The following SSBP2 variants were observed in gnomAD, a reference collection of about 807,000 sequenced individuals.
SSBP2 encodes single-stranded DNA-binding protein 2.
A neutral mutation model predicts 61.8 loss-of-function variants in SSBP2; 17 were observed. The ratio of observed to expected loss-of-function variants is 0.28; its 90% confidence interval spans 0.19 to 0.41. The LOEUF (loss-of-function observed/expected upper bound fraction) is 0.41, where lower values mean the gene tolerates loss of function less well. Among genes scored for constraint, SSBP2 ranks in the 10% least tolerant of loss-of-function variants. The pLI, the probability that SSBP2 is intolerant of heterozygous loss-of-function variation, is 1.00. For synonymous variants in SSBP2, 139 were observed against 141.3 expected (o/e 0.98, Z 0.12); for missense variants, 310 against 458.7 (o/e 0.68, Z 2.96).
At chr5:81,478,162 ACTT>A (rs1408083219) in intron 6 of SSBP2, among the ~76,000 whole-genome samples, 9 of 151,850 alleles carry the variant, frequency 5.9e-5, no homozygotes, top group Non-Finnish European at 1.2e-4. Context: ...AAAAAAATTA[ACTT>A]TTTTTTATTT....
chr5:81,744,960 C>A (rs893362502), intron 1 of SSBP2, among the ~76,000 whole-genome samples: 7 of 152,000 alleles, frequency 4.6e-5, no homozygotes, highest in African/African-American at 1.7e-4. Context: ...ATTGAGACTG[C>A]CCAGGCTGAT....
chr5:81,617,961 A>G (rs1204421805), intron 3 of SSBP2, among the ~76,000 whole-genome samples: 1 of 137,064 alleles, frequency 7.3e-6, no homozygotes, highest in Non-Finnish European at 1.6e-5. Context: ...AGCGCTAAAC[A>G]TGGAAAGGAA....
intron 4 of SSBP2, among the ~76,000 whole-genome samples, chr5:81,593,835 A>C (rs1310577742): frequency 1.3e-5 from 2 of 152,238 alleles, no homozygotes; most frequent in East Asian, 3.8e-4. Flanking sequence ...GGAACTCCTA[A>C]AGGAAGCACT....
intron 1 of SSBP2, among the ~76,000 whole-genome samples, chr5:81,689,073 G>T (rs550007985): frequency 6.6e-6 from 1 of 151,772 alleles, no homozygotes; most frequent in Non-Finnish European, 1.5e-5. Flanking sequence ...GTTGAAAAAC[G>T]CAACTGACAT....
At chr5:81,598,032 T>A (rs1743967491) in intron 4 of SSBP2, among the ~76,000 whole-genome samples, 1 of 151,144 alleles carries the variant, frequency 6.6e-6, no homozygotes, top group Admixed American at 6.6e-5. Context: ...ATAATAATAA[T>A]AAAATAAATT....
chr5:81,703,578 A>G lies in SSBP2; in HGVS notation c.62+47403T>C, dbSNP rs1581383822. ...GTATAATAATAATAAAATTTAAAAA[A>G]AGAAAAAAAAGAAAAAAGTCAAAAC... On this transcript the variant is annotated intron_variant, in intron 1 of 16. Transcript: ENST00000320672. Among the ~76,000 whole-genome samples, 4 of 152,152 alleles carry G rather than the reference A, an allele frequency of 2.6e-5. No homozygotes were observed. In the South Asian group the frequency reaches 8.3e-4, roughly 31 times the overall value.
intron 4 of SSBP2, among the ~76,000 whole-genome samples, chr5:81,593,451 C>G (rs10942272): frequency 0.35 from 53,832 of 151,934 alleles, 9,939 homozygotes; most frequent in African/African-American, 0.46. Flanking sequence ...CCCCAATCTA[C>G]CAAGGCAGGC....
intron 4 of SSBP2, among the ~76,000 whole-genome samples, chr5:81,592,781 C>T (rs1409255164): frequency 6.6e-6 from 1 of 152,210 alleles, no homozygotes; most frequent in Non-Finnish European, 1.5e-5. Context: ...GCTGATGGTC[C>T]TGTCTGTTAG....
intron 4 of SSBP2, among the ~76,000 whole-genome samples, chr5:81,594,168 CA>C (rs1743451478): frequency 6.6e-6 from 1 of 151,598 alleles, no homozygotes; most frequent in South Asian, 2.1e-4. Context: ...AAATGGAAAA[CA>C]AAAAAAGGCA....
intron 16 of SSBP2, among the ~76,000 whole-genome samples, chr5:81,426,013 G>A (rs980438499): frequency 3.9e-5 from 6 of 152,188 alleles, no homozygotes; most frequent in Non-Finnish European, 7.3e-5. Flanking sequence ...TCAGAGTTAT[G>A]TGTATTAAAC....
intron 1 of SSBP2, among the ~76,000 whole-genome samples, chr5:81,700,109 G>A (rs1317642932): frequency 1.3e-5 from 2 of 152,110 alleles, no homozygotes; most frequent in Non-Finnish European, 2.9e-5. Flanking sequence ...GGCTCCCAAA[G>A]TGCTAGGATT....
chr5:81,568,746 G>T (rs1773626506), intron 4 of SSBP2, among the ~76,000 whole-genome samples: 1 of 152,122 alleles, frequency 6.6e-6, no homozygotes, highest in Non-Finnish European at 1.5e-5. Flanking sequence ...TGTTCCCTTT[G>T]TACATATATG....
chr5:81,645,763 T>A (rs2153698197), intron 2 of SSBP2, among the ~76,000 whole-genome samples: 1 of 152,198 alleles, frequency 6.6e-6, no homozygotes, highest in South Asian at 2.1e-4. Context: ...ATTGAGAATA[T>A]CTCTAAATAA....
At chr5:81,713,344 C>G (rs1165751852) in intron 1 of SSBP2, among the ~76,000 whole-genome samples, 1 of 151,582 alleles carries the variant, frequency 6.6e-6, no homozygotes, top group Non-Finnish European at 1.5e-5. Context: ...CCTCCCCAAC[C>G]CCAGCAAAAG....
intron 1 of SSBP2, among the ~76,000 whole-genome samples, chr5:81,715,854 C>T (rs566453643): frequency 3.9e-5 from 6 of 151,932 alleles, no homozygotes; most frequent in Non-Finnish European, 8.8e-5. Context: ...CCCAGGAGTT[C>T]GAGACCAGCC....
intron 1 of SSBP2, 96 bp downstream of exon 1, chr5:81,750,885 G>A: frequency 4.4e-6 from 5 of 1,123,992 alleles, no homozygotes; most frequent in Non-Finnish European, 6.1e-6. Flanking sequence ...GGCGCTCCCC[G>A]GGCGGAGAGT....
chr5:81,420,895 T>C (rs139154357), intron 16 of SSBP2, among the ~76,000 whole-genome samples: 12 of 152,260 alleles, frequency 7.9e-5, no homozygotes, highest in African/African-American at 2.6e-4. Context: ...TAAGTAAGTA[T>C]GAGGTCTAGT....
Position 81,636,522 on chromosome 5 carries a change from A to G in SSBP2, c.197+35T>C, listed in dbSNP as rs1422889525. ...TAGTACAGGCCTATTGAAATGCATC[A>G]TCAAGCCAGTAAAAATGGAATAAAG... On this transcript the variant is annotated intron_variant, in intron 3 of 16. Transcript: ENST00000320672. 2.6e-6 allele frequency: 4 copies of G among 1,554,718 alleles called. No individual in the cohort carries two copies. In the South Asian group the frequency reaches 4.5e-5, roughly 18 times the overall value.
chr5:81,458,665 A>T (rs1325051925), intron 10 of SSBP2, among the ~76,000 whole-genome samples: 1 of 152,218 alleles, frequency 6.6e-6, no homozygotes, highest in African/African-American at 2.4e-5. Flanking sequence ...TACGAACTGA[A>T]AAGTGTTTTA....
Sources: allele counts gnomAD v4.1 joint callset (sites outside exome capture counted in the v4.1 genomes callset), GRCh38; gene constraint gnomAD v4.1.1; transcripts MANE v1.5; gene names NCBI Gene and HGNC (gene_info 2026-07-23, HGNC 2026-07-21).